The following EXT2 variants were observed in gnomAD, a reference collection of about 807,000 sequenced individuals.
The protein encoded by EXT2 is exostosin-2.
A neutral mutation model predicts 81.6 loss-of-function variants in EXT2; 53 were observed. The ratio of observed to expected loss-of-function variants is 0.65; its 90% CI spans 0.52 to 0.82. The LOEUF (loss-of-function observed/expected upper bound fraction) is 0.82. EXT2 is among the 40% of genes least tolerant of loss of function. EXT2 has a pLI of 0.00. For synonymous variants in EXT2, 320 were observed against 340.0 expected, an observed-to-expected ratio of 0.94 and a Z score of 0.65; for missense variants, 774 against 910.2, an observed-to-expected ratio of 0.85 and a Z score of 1.93.
chr11:44,209,861 G>A (rs1344750930), intron 10 of EXT2, among the ~76,000 whole-genome samples: 1 of 152,192 alleles, frequency 6.6e-6, no homozygotes, highest in South Asian at 2.1e-4. Flanking sequence ...CTTCTAGAAT[G>A]TAAGCACCAA....
chr11:44,134,995 A>G (rs1192637006), intron 7 of EXT2, among the ~76,000 whole-genome samples: 1 of 152,264 alleles, frequency 6.6e-6, no homozygotes, highest in Non-Finnish European at 1.5e-5. Context: ...ATGTGCCTTC[A>G]TATTTTTCTA....
intron 8 of EXT2, among the ~76,000 whole-genome samples, chr11:44,185,270 C>G (rs534502460): frequency 7.4e-4 from 113 of 152,354 alleles, no homozygotes; most frequent in Non-Finnish European, 1.4e-3. Flanking sequence ...ACAGTGCCAA[C>G]TAGCTCCTGG....
intron 7 of EXT2, among the ~76,000 whole-genome samples, chr11:44,168,090 C>T (rs989433889): frequency 2.6e-5 from 4 of 151,204 alleles, no homozygotes; most frequent in Non-Finnish European, 4.4e-5. Context: ...TTTTTTCTTG[C>T]GATAGTTTAC....
rs772690312 is a variant in EXT2 at position 44,197,916 on chromosome 11, C to A, written c.1393C>A (p.Arg465=). ...CACCGCCATAGTCCTCACCTACGACCGAGTAGAGAGCCTCTTCCGGGTCAT... is the reference window on the plus strand; with the variant it reads ...CACCGCCATAGTCCTCACCTACGACAGAGTAGAGAGCCTCTTCCGGGTCAT... ...GFTAIVLTYD[R]VESLFRVITE... is the part of the protein sequence containing the mutation. Residue 465 remains arginine, a synonymous_variant, in exon 9 of 14, where the codon CGA becomes AGA. Transcript: ENST00000533608. The A allele has an allele frequency of 4.3e-6, 7 of 1,614,070 alleles. No homozygotes were observed. Among genetic ancestry groups the A allele is most frequent in the Non-Finnish European group, 5.9e-6 (7 of 1,179,954 alleles).
intron 7 of EXT2, among the ~76,000 whole-genome samples, chr11:44,136,620 T>C (rs1160177059): frequency 1.3e-5 from 2 of 152,238 alleles, no homozygotes; most frequent in Non-Finnish European, 2.9e-5. Context: ...CCAGTATCAG[T>C]GTTATAATGT....
chr11:44,203,721 C>CCCTG lies in EXT2; in HGVS notation c.1496-3050_1496-3047dup, dbSNP rs540487554. Among the ~76,000 whole-genome samples, 876 of 152,074 alleles carry CCCTG rather than the reference C, an allele frequency of 5.8e-3. 1 individual carries two copies. Among genetic ancestry groups the CCCTG allele is most frequent in the Non-Finnish European group, 9.2e-3 (622 of 67,938 alleles). On this transcript the variant is annotated intron_variant, in intron 9 of 13. Coordinates refer to ENST00000533608, the MANE Select transcript of EXT2 (RefSeq NM_207122.2). Reference sequence around the variant, plus strand: ...ACTTACACTTGCTAGAGACAAGTGCCCCTGCCTGCCTGCCTGCCTGCCTGC... The same window carrying CCCTG: ...ACTTACACTTGCTAGAGACAAGTGCCCCTGCCTGCCTGCCTGCCTGCCTGCCTGC...
intron 9 of EXT2, among the ~76,000 whole-genome samples, chr11:44,199,196 A>C (rs917127632): frequency 6.6e-6 from 1 of 152,146 alleles, no homozygotes; most frequent in Non-Finnish European, 1.5e-5. Flanking sequence ...TTTGATACTT[A>C]ATAAGGGAGA....
At chr11:44,192,145 T>C (rs1190286192) in intron 8 of EXT2, among the ~76,000 whole-genome samples, 1 of 152,216 alleles carries the variant, frequency 6.6e-6, no homozygotes, top group Non-Finnish European at 1.5e-5. Context: ...AGGTGCCCTG[T>C]TGGATGGCTC....
chr11:44,213,451 A>G lies in EXT2; in HGVS notation c.1662+6492A>G, dbSNP rs151197371. Among the ~76,000 whole-genome samples, 166 of 152,352 alleles carry G rather than the reference A, an allele frequency of 1.1e-3. 1 individual carries two copies. The highest frequency in any genetic ancestry group is 3.9e-3 in the African/African-American group (161 of 41,582). On this transcript the variant is annotated intron_variant, in intron 10 of 13. Transcript: ENST00000533608. ...ATCTGGTAAAGATTTTTAAAAGGTTATCACAAAAAAAGCCTCTAATAAGCA... is the reference window on the plus strand; with the variant it reads ...ATCTGGTAAAGATTTTTAAAAGGTTGTCACAAAAAAAGCCTCTAATAAGCA...
In EXT2 at chr11:44,244,444, A is replaced by G; in HGVS notation, c.*157A>G. 1 of 707,112 alleles carries G rather than the reference A, an allele frequency of 1.4e-6. No individual in the cohort carries two copies. Among genetic ancestry groups the G allele is most frequent in the South Asian group, 1.7e-5 (1 of 59,458 alleles). The allele number at this position is 707,112 out of a possible 1,614,324, so 43.8% of individuals were successfully genotyped here. On this transcript the variant is annotated 3_prime_UTR_variant, in exon 14 of 14. Transcript: ENST00000533608. ...CCTAACCCACTTTCTCAAGAACAAGAACCTAGAATGAATATCCAAGCACCT... is the reference window on the plus strand; with the variant it reads ...CCTAACCCACTTTCTCAAGAACAAGGACCTAGAATGAATATCCAAGCACCT...
chr11:44,113,335 AGT>A (rs1954172496), intron 3 of EXT2, among the ~76,000 whole-genome samples: 1 of 152,158 alleles, frequency 6.6e-6, no homozygotes, highest in Non-Finnish European at 1.5e-5. Flanking sequence ...CAGACTTTGT[AGT>A]GTGTGTTGCC....
chr11:44,225,616 A>C (rs770229595), intron 10 of EXT2, among the ~76,000 whole-genome samples: 17 of 152,212 alleles, frequency 1.1e-4, no homozygotes, highest in Admixed American at 2.6e-4. Context: ...TTGACATCAT[A>C]ATCTGACTTC....
At chr11:44,187,016 TC>T (rs1321821589) in intron 8 of EXT2, among the ~76,000 whole-genome samples, 2 of 141,594 alleles carry the variant, frequency 1.4e-5, no homozygotes, top group African/African-American at 2.7e-5. Context: ...CTTCCTTCCT[TC>T]CTTCCTTCCT....
At chr11:44,167,283 A>G (rs1460454009) in intron 7 of EXT2, among the ~76,000 whole-genome samples, 1 of 152,216 alleles carries the variant, frequency 6.6e-6, no homozygotes, top group Non-Finnish European at 1.5e-5. Flanking sequence ...TAAGGTACAC[A>G]TGATCAGAGC....
At chr11:44,211,281 T>A (rs528869349) in intron 10 of EXT2, among the ~76,000 whole-genome samples, 6 of 152,208 alleles carry the variant, frequency 3.9e-5, no homozygotes, top group African/African-American at 1.4e-4. Flanking sequence ...TGTGGGTATA[T>A]GTCCAAAGGA....
chr11:44,214,204 C>T (rs1370922463), intron 10 of EXT2, among the ~76,000 whole-genome samples: 3 of 152,114 alleles, frequency 2.0e-5, no homozygotes, highest in Non-Finnish European at 4.4e-5. Flanking sequence ...AGCTCCGCCT[C>T]CCGGGTTCAC....
rs1311776810 is a variant in EXT2, at chr11:44,171,732, C to G, written c.1295C>G (p.Pro432Arg). Reference protein sequence around the residue: ...AAISYEEWNDPPAVKWGSVSN... With the variant: ...AAISYEEWNDRPAVKWGSVSN... Reference sequence around the variant, plus strand: ...ATCTCCTATGAAGAATGGAATGACCCTCCTGCTGTGGTAAGTGAATTCCAG... The same window carrying G: ...ATCTCCTATGAAGAATGGAATGACCGTCCTGCTGTGGTAAGTGAATTCCAG... Residue 432 changes from proline to arginine, a missense_variant, in exon 8 of 14, where the codon CCT becomes CGT. Pro to Arg is a moderately radical substitution (Grantham distance 103, BLOSUM62 -2). This residue lies in a region of EXT2 where 626 missense variants were observed against 670.5 expected (regional missense o/e 0.93). Coordinates refer to ENST00000533608, the MANE Select transcript of EXT2 (RefSeq NM_207122.2). 6.2e-6 allele frequency: 10 copies of G among 1,613,848 alleles called. No individual in the cohort carries two copies. Among genetic ancestry groups the G allele is most frequent in the Non-Finnish European group, 7.6e-6 (9 of 1,179,904 alleles).
At chr11:44,231,373 G>A (rs1283610762) in intron 10 of EXT2, among the ~76,000 whole-genome samples, 1 of 152,190 alleles carries the variant, frequency 6.6e-6, no homozygotes, top group Non-Finnish European at 1.5e-5. Context: ...CTTGTCTAGG[G>A]ATAAGGAATC....
intron 8 of EXT2, among the ~76,000 whole-genome samples, chr11:44,191,845 A>G (rs946787025): frequency 6.6e-6 from 1 of 152,162 alleles, no homozygotes; most frequent in Non-Finnish European, 1.5e-5. Flanking sequence ...TGAGCTCCAA[A>G]GGCAAATAGG....
Sources: gnomAD v4.1 joint callset for allele counts (sites outside exome capture counted in the v4.1 genomes callset) on GRCh38, gnomAD v4.1.1 for gene constraint, gnomAD v4.1.1 regional missense constraint, MANE v1.5 for transcripts, NCBI Gene and HGNC (gene_info 2026-07-23, HGNC 2026-07-21) for gene names.